GLIS3: variants seen among roughly 807,000 people sequenced by gnomAD.
GLIS3 encodes the protein zinc finger protein GLIS3.
A neutral mutation model predicts 78.6 loss-of-function variants in GLIS3; 53 were observed. The ratio of observed to expected loss-of-function variants is 0.67; its 90% CI spans 0.54 to 0.85. The LOEUF is 0.85. GLIS3 is among the 40% of genes least tolerant of loss of function. The pLI is 0.00. For missense variants in GLIS3, 1,703 were observed against 1,231.1 expected (o/e 1.38, Z -5.74); for synonymous variants, 684 against 509.9 (o/e 1.34, Z -4.60).
chr9:4,198,979 G>A (rs1819118164), intron 2 of GLIS3, among the ~76,000 whole-genome samples: 1 of 152,098 alleles, frequency 6.6e-6, no homozygotes. Flanking sequence ...CATAAGCAAA[G>A]GAGAAATAAA....
chr9:4,319,750 G>C (rs1308548348), intron 2 of GLIS3, among the ~76,000 whole-genome samples: 1 of 152,042 alleles, frequency 6.6e-6, no homozygotes, highest in Non-Finnish European at 1.5e-5. Context: ...GGATGGTTTT[G>C]AACTCTGCCC....
At chr9:4,039,824 G>C (rs1007731942) in intron 4 of GLIS3, among the ~76,000 whole-genome samples, 15 of 152,208 alleles carry the variant, frequency 9.9e-5, no homozygotes, top group African/African-American at 2.7e-4. Context: ...AGTACTACAG[G>C]AGTTAGAGCA....
intron 4 of GLIS3, among the ~76,000 whole-genome samples, chr9:4,038,732 TTTCATTGTTTTC>T (rs1283933381): frequency 6.6e-6 from 1 of 152,224 alleles, no homozygotes; most frequent in African/African-American, 2.4e-5. Context: ...CTATTCTTTT[TTTCATTGTTTTC>T]TTCAAAGTTT....
the GLIS3 span, among the ~76,000 whole-genome samples, chr9:4,442,287 A>T: frequency 6.6e-6 from 1 of 152,088 alleles, no homozygotes; most frequent in African/African-American, 2.4e-5. Context: ...TTCTGGCATC[A>T]GTTGTCATGT....
At chr9:4,338,317 A>G (rs1176389512) in intron 2 of GLIS3, among the ~76,000 whole-genome samples, 2 of 151,956 alleles carry the variant, frequency 1.3e-5, no homozygotes, top group East Asian at 3.9e-4. Context: ...CTGGTAACAA[A>G]ATTATACGTA....
At chr9:4,025,237 G>C (rs1823231962) in intron 4 of GLIS3, among the ~76,000 whole-genome samples, 1 of 151,060 alleles carries the variant, frequency 6.6e-6, no homozygotes, top group Non-Finnish European at 1.5e-5. Flanking sequence ...AGGCAACAGT[G>C]AGACTCCGTC....
chr9:4,238,938 C>T (rs936449839), intron 2 of GLIS3, among the ~76,000 whole-genome samples: 2 of 151,970 alleles, frequency 1.3e-5, no homozygotes, highest in Non-Finnish European at 2.9e-5. Context: ...TCAAAACAAA[C>T]GTTGTTTTTT....
chr9:3,932,714 T>C (rs1400696419), intron 5 of GLIS3: 10 of 463,434 alleles, frequency 2.2e-5, no homozygotes, highest in Non-Finnish European at 4.0e-5. Context: ...GAGATTGCTT[T>C]AGTGTGTGCT....
At chr9:4,297,559 T>G (rs1010099858) in intron 1 of GLIS3, among the ~76,000 whole-genome samples, 6 of 152,150 alleles carry the variant, frequency 3.9e-5, no homozygotes, top group African/African-American at 1.2e-4. Flanking sequence ...TTGGAGGAAG[T>G]TGGTTCTGCC....
intron 4 of GLIS3, among the ~76,000 whole-genome samples, chr9:4,075,900 G>T (rs1246501236): frequency 6.6e-6 from 1 of 152,168 alleles, no homozygotes; most frequent in African/African-American, 2.4e-5. Flanking sequence ...TTCCTTTAAA[G>T]GCAAATCTAA....
the GLIS3 span, among the ~76,000 whole-genome samples, chr9:4,462,859 G>C: frequency 6.6e-6 from 1 of 152,178 alleles, no homozygotes; most frequent in Non-Finnish European, 1.5e-5. Flanking sequence ...CAAATCGTTT[G>C]AAAAGCACTG....
At chr9:4,162,502 A>G (rs1221341701) in intron 2 of GLIS3, among the ~76,000 whole-genome samples, 1 of 152,180 alleles carries the variant, frequency 6.6e-6, no homozygotes, top group Non-Finnish European at 1.5e-5. Context: ...AATTCAATGA[A>G]TAAGTCTATC....
the GLIS3 span, among the ~76,000 whole-genome samples, chr9:4,404,792 G>C: frequency 6.6e-6 from 1 of 152,068 alleles, no homozygotes; most frequent in African/African-American, 2.4e-5. Context: ...ATAAGCTAAT[G>C]ATATATCTTA....
At chr9:4,312,578 G>T (rs957757806) in intron 2 of GLIS3, among the ~76,000 whole-genome samples, 6 of 152,222 alleles carry the variant, frequency 3.9e-5, no homozygotes, top group African/African-American at 1.4e-4. Flanking sequence ...TTATACATAT[G>T]AAAAACAAAT....
intron 4 of GLIS3, among the ~76,000 whole-genome samples, chr9:4,085,292 A>G (rs1828924718): frequency 6.6e-6 from 1 of 151,776 alleles, no homozygotes; most frequent in Non-Finnish European, 1.5e-5. Flanking sequence ...CCTCCATTTA[A>G]GCATTGATAT....
chr9:4,159,112 C>A (rs1835276980), intron 2 of GLIS3, among the ~76,000 whole-genome samples: 1 of 150,490 alleles, frequency 6.6e-6, no homozygotes, highest in African/African-American at 2.5e-5. Flanking sequence ...TTGCAGATGG[C>A]TCACCAGTCT....
intron 4 of GLIS3, among the ~76,000 whole-genome samples, chr9:3,979,433 C>T (rs1037253002): frequency 1.2e-4 from 18 of 152,242 alleles, no homozygotes; most frequent in Non-Finnish European, 1.0e-4. Context: ...AAATAGCACA[C>T]GCTTCGAGCG....
intron 2 of GLIS3, among the ~76,000 whole-genome samples, chr9:4,139,058 C>A (rs779788897): frequency 6.6e-6 from 1 of 152,138 alleles, no homozygotes; most frequent in Non-Finnish European, 1.5e-5. Context: ...CTGGGAAGAG[C>A]AAACGGAGCA....
At chr9:4,354,931 A>G in the GLIS3 span, among the ~76,000 whole-genome samples, 1 of 152,078 alleles carries the variant, frequency 6.6e-6, no homozygotes, top group Admixed American at 6.6e-5. Flanking sequence ...CCTGGCTAAC[A>G]CGGCGAAACC....
Sources: gnomAD v4.1 joint callset for allele counts (sites outside exome capture counted in the v4.1 genomes callset) on GRCh38, gnomAD v4.1.1 for gene constraint, MANE v1.5 for transcripts, NCBI Gene and HGNC (gene_info 2026-07-23, HGNC 2026-07-21) for gene names.